Variants in ADAMTSL1 observed in about 807,000 individuals in gnomAD.
ADAMTSL1 encodes the protein ADAMTS-like protein 1.
A neutral mutation model predicts 201.8 loss-of-function variants in ADAMTSL1; 126 were observed. The ratio of observed to expected loss-of-function variants is 0.62; its 90% CI spans 0.54 to 0.72. The LOEUF (loss-of-function observed/expected upper bound fraction) is 0.72. Among genes scored for constraint, ADAMTSL1 ranks in the 30% least tolerant of loss-of-function variants. The pLI, the probability that ADAMTSL1 is intolerant of heterozygous loss-of-function variation, is 0.00. For synonymous variants in ADAMTSL1, 1,121 were observed against 903.4 expected (o/e 1.24, Z -4.32); for missense variants, 2,679 against 2,277.8 (o/e 1.18, Z -3.59).
At chr9:18,173,861 C>T (rs1828017108) in intron 2 of ADAMTSL1, among the ~76,000 whole-genome samples, 1 of 152,138 alleles carries the variant, frequency 6.6e-6, no homozygotes, top group Non-Finnish European at 1.5e-5. Context: ...AGAACTTTGT[C>T]AATAATGGTG....
At chr9:18,250,739 G>A (rs1050001518) in intron 2 of ADAMTSL1, among the ~76,000 whole-genome samples, 1 of 152,126 alleles carries the variant, frequency 6.6e-6, no homozygotes, top group Non-Finnish European at 1.5e-5. Flanking sequence ...TTCCTGGGAA[G>A]CTGGGGATAC....
intron 1 of ADAMTSL1, among the ~76,000 whole-genome samples, chr9:18,028,828 C>A (rs1440963764): frequency 6.6e-6 from 1 of 152,008 alleles, no homozygotes; most frequent in Non-Finnish European, 1.5e-5. Flanking sequence ...GGGGATGGCA[C>A]TGAATCTATA....
intron 2 of ADAMTSL1, among the ~76,000 whole-genome samples, chr9:18,358,828 T>C (rs1366000143): frequency 1.3e-5 from 2 of 152,242 alleles, no homozygotes; most frequent in African/African-American, 4.8e-5. Context: ...ATAATGCTGC[T>C]ATGAACATTT....
At chr9:18,231,831 C>T (rs1287423340) in intron 2 of ADAMTSL1, among the ~76,000 whole-genome samples, 4 of 152,184 alleles carry the variant, frequency 2.6e-5, no homozygotes, top group Non-Finnish European at 5.9e-5. Context: ...CTCTCCTTGG[C>T]CAGGCTTACA....
At chr9:18,348,596 A>G (rs1443583180) in intron 2 of ADAMTSL1, among the ~76,000 whole-genome samples, 1 of 152,190 alleles carries the variant, frequency 6.6e-6, no homozygotes, top group African/African-American at 2.4e-5. Flanking sequence ...GTTAAATTGC[A>G]TATATTTGGA....
chr9:18,777,283 G>C lies in ADAMTSL1; in HGVS notation c.3054G>C (p.Gly1018=), dbSNP rs761855652. The part of the protein sequence containing the change: ...AEKRGLAANP[G]SRYDDLVSRL... ...AGCGGGGCCTGGCCGCCAACCCGGG[G>C]AGCCGCTACGACGACCTCGTCTCCC... Residue 1018 remains glycine, a synonymous_variant, in exon 19 of 29, where the codon GGG becomes GGC. Coordinates refer to ENST00000380548, the MANE Select transcript of ADAMTSL1 (RefSeq NM_001040272.6). The C allele has an allele frequency of 2.5e-6, 4 of 1,608,046 alleles. No individual in the cohort carries two copies. Among genetic ancestry groups the C allele is most frequent in the South Asian group, 2.2e-5 (2 of 90,398 alleles).
intron 2 of ADAMTSL1, among the ~76,000 whole-genome samples, chr9:18,368,459 C>T (rs959888076): frequency 2.3e-4 from 35 of 152,238 alleles, no homozygotes; most frequent in Admixed American, 1.6e-3. Context: ...ACAGCATGTA[C>T]GGCCATTTTC....
intron 9 of ADAMTSL1, among the ~76,000 whole-genome samples, chr9:18,665,358 T>C (rs1469047490): frequency 6.6e-6 from 1 of 152,118 alleles, no homozygotes; most frequent in Non-Finnish European, 1.5e-5. Flanking sequence ...ATATCATCAG[T>C]ATTTGGTCTA....
Position 17,910,055 on chromosome 9 carries a change from G to T in ADAMTSL1, c.87+3133G>T, listed in dbSNP as rs1427482085. ...AACAGTAAAGAAGGCCTGAGACAGG[G>T]ACTTGGGAGTCTTGACATGTAGCTT... is the stretch of plus-strand genomic sequence containing the variant. On this transcript the variant is annotated intron_variant, in intron 1 of 29. Transcript: ENST00000680146. Among the ~76,000 whole-genome samples, 2 of 67,470 alleles carry T rather than the reference G, an allele frequency of 3.0e-5. 1 individual carries two copies. The highest frequency in any genetic ancestry group is 9.1e-5 in the Non-Finnish European group (2 of 22,036). The allele number at this position is 67,470 out of a possible 152,430, so 44.3% of individuals were successfully genotyped here.
At chr9:18,479,517 A>G (rs1263820181) in intron 1 of ADAMTSL1, among the ~76,000 whole-genome samples, 1 of 152,212 alleles carries the variant, frequency 6.6e-6, no homozygotes, top group Non-Finnish European at 1.5e-5. Context: ...ATATATAGCT[A>G]TGTGTACAGT....
At chr9:18,123,576 T>C (rs957939132) in intron 1 of ADAMTSL1, among the ~76,000 whole-genome samples, 4 of 152,326 alleles carry the variant, frequency 2.6e-5, no homozygotes, top group Non-Finnish European at 5.9e-5. Context: ...TTCAGAGATC[T>C]CAGATAACTT....
intron 12 of ADAMTSL1, among the ~76,000 whole-genome samples, chr9:18,682,236 C>G (rs574420220): frequency 4.6e-5 from 7 of 152,212 alleles, no homozygotes; most frequent in Non-Finnish European, 8.8e-5. Flanking sequence ...ACGGATGTAC[C>G]TGCTTAAAGG....
At chr9:18,467,381 T>G (rs1181638904) in intron 2 of ADAMTSL1, among the ~76,000 whole-genome samples, 1 of 152,022 alleles carries the variant, frequency 6.6e-6, no homozygotes, top group Non-Finnish European at 1.5e-5. Flanking sequence ...GTGGAAGAAA[T>G]CAGAAATGAA....
intron 26 of ADAMTSL1, among the ~76,000 whole-genome samples, chr9:18,905,279 C>T (rs141854748): frequency 1.3e-5 from 2 of 152,280 alleles, no homozygotes; most frequent in East Asian, 3.9e-4. Context: ...TGAGGGAGGA[C>T]TCTGCATACC....
chr9:17,972,521 C>A (rs2131431922), intron 1 of ADAMTSL1, among the ~76,000 whole-genome samples: 1 of 151,906 alleles, frequency 6.6e-6, no homozygotes, highest in African/African-American at 2.4e-5. Flanking sequence ...GCATAGTATT[C>A]CATGGTGTCT....
chr9:18,820,714 T>C (rs538846571), intron 21 of ADAMTSL1, among the ~76,000 whole-genome samples: 40 of 152,356 alleles, frequency 2.6e-4, no homozygotes, highest in Non-Finnish European at 4.7e-4. Flanking sequence ...CAGCCTCACA[T>C]TCTTCCCAAT....
chr9:18,031,228 A>G (rs1450239888), intron 1 of ADAMTSL1, among the ~76,000 whole-genome samples: 2 of 152,196 alleles, frequency 1.3e-5, no homozygotes, highest in Admixed American at 1.3e-4. Context: ...GAATTTTTAA[A>G]TTGCTAGAGT....
At chr9:17,920,161 T>C (rs559313838) in intron 1 of ADAMTSL1, among the ~76,000 whole-genome samples, 2 of 152,310 alleles carry the variant, frequency 1.3e-5, no homozygotes, top group Non-Finnish European at 2.9e-5. Flanking sequence ...TTTATGTAAC[T>C]GTTACTCTTT....
chr9:18,028,032 C>T (rs957205512), intron 1 of ADAMTSL1, among the ~76,000 whole-genome samples: 15 of 152,040 alleles, frequency 9.9e-5, no homozygotes, highest in Non-Finnish European at 1.6e-4. Flanking sequence ...AGAATAGTGA[C>T]CTCTGCTCTC....
Sources: allele counts gnomAD v4.1 joint callset (sites outside exome capture counted in the v4.1 genomes callset), GRCh38; gene constraint gnomAD v4.1.1; transcripts MANE v1.5; gene names NCBI Gene and HGNC (gene_info 2026-07-23, HGNC 2026-07-21).